ACAD11: variants seen among roughly 807,000 people sequenced by gnomAD.
The protein encoded by ACAD11 is acyl-Coenzyme A dehydrogenase family, member 11.
ACAD11 carries 83 observed loss-of-function variants against 102.2 expected under a neutral mutation model. The observed-to-expected ratio is 0.81, with a 90% CI of 0.68 to 0.97. ACAD11 has a LOEUF of 0.97. Among genes scored for constraint, ACAD11 ranks in the 50% least tolerant of loss-of-function variants. ACAD11 has a pLI of 0.00. For synonymous variants in ACAD11, 324 were observed against 319.8 expected, an observed-to-expected ratio of 1.01 and a Z score of -0.14; for missense variants, 901 against 951.7, an observed-to-expected ratio of 0.95 and a Z score of 0.70.
intron 19 of ACAD11, 93 bp from the exon 20 acceptor site, chr3:132,559,178 TATTA>T (rs1936973484): frequency 8.1e-6 from 7 of 865,878 alleles, no homozygotes; most frequent in Admixed American, 7.1e-5. Flanking sequence ...ACCAAGACTA[TATTA>T]ATTCTTAAAT....
At chr3:132,566,136 C>A (rs1450249983) in intron 17 of ACAD11, among the ~76,000 whole-genome samples, 3 of 151,462 alleles carry the variant, frequency 2.0e-5, no homozygotes, top group Non-Finnish European at 2.9e-5. Flanking sequence ...TAAAGAAAAA[C>A]CAAATGGGTA....
chr3:132,597,359 A>G lies in ACAD11; in HGVS notation c.1621+5870T>C, dbSNP rs577419842. On this transcript the variant is annotated intron_variant, in intron 13 of 19. Coordinates refer to ENST00000264990, the MANE Select transcript of ACAD11 (RefSeq NM_032169.5). ...TATTTCTTTTCTTATTCTGACTTGAATATTTTTTTAAGCCCAAAGATCTTG... is the reference window on the plus strand; with the variant it reads ...TATTTCTTTTCTTATTCTGACTTGAGTATTTTTTTAAGCCCAAAGATCTTG... 15 of 152,136 alleles carry G rather than the reference A, an allele frequency of 9.9e-5. No homozygotes were observed. The East Asian group carries it at 2.9e-3, about 29-fold the overall frequency. 9.4% of individuals were successfully genotyped at this position (152,136 alleles called of 1,614,324 possible).
chr3:132,572,264 G>T (rs1937401327), intron 17 of ACAD11, among the ~76,000 whole-genome samples: 1 of 151,782 alleles, frequency 6.6e-6, no homozygotes, highest in African/African-American at 2.4e-5. Flanking sequence ...CTCCCCGAGA[G>T]CCAAATCGGG....
intron 3 of ACAD11, 54 bp downstream of exon 3, chr3:132,642,623 T>C: frequency 6.6e-7 from 1 of 1,510,144 alleles, no homozygotes; most frequent in East Asian, 2.3e-5. Context: ...AACATCTTAA[T>C]TAACTTCATA....
chr3:132,652,923 G>C (rs577119673), intron 1 of ACAD11, among the ~76,000 whole-genome samples: 4 of 152,188 alleles, frequency 2.6e-5, no homozygotes, highest in African/African-American at 9.6e-5. Context: ...ATCACTATTG[G>C]TTAAGGTCCA....
At chr3:132,607,654 G>A (rs1027061185) in intron 11 of ACAD11, among the ~76,000 whole-genome samples, 2 of 152,198 alleles carry the variant, frequency 1.3e-5, no homozygotes, top group African/African-American at 2.4e-5. Context: ...TTTGACTGGT[G>A]TACCTGAAAA....
chr3:132,649,491 T>G (rs1427906127), intron 1 of ACAD11, among the ~76,000 whole-genome samples: 1 of 152,234 alleles, frequency 6.6e-6, no homozygotes, highest in African/African-American at 2.4e-5. Flanking sequence ...GCATAGTACC[T>G]TCCCTTGAAC....
In ACAD11 at chr3:132,631,270, T is replaced by C. The variant is rs1390819762; in HGVS notation, c.841+71A>G. On this transcript the variant is annotated intron_variant, in intron 6 of 19. Transcript: ENST00000264990. ...CTATTATCTAAAATTGCAAGATTTA[T>C]ATTTTAATTATGAAAGTAATAAAGA... 3.2e-6 allele frequency: 3 copies of C among 937,390 alleles called. No homozygotes were observed. In the African/African-American group the frequency reaches 5.2e-5, roughly 16 times the overall value. The allele number at this position is 937,390 out of a possible 1,614,324, so 58.1% of individuals were successfully genotyped here.
chr3:132,624,948 G>C (rs1049935293), intron 9 of ACAD11, among the ~76,000 whole-genome samples: 2 of 152,130 alleles, frequency 1.3e-5, no homozygotes. Flanking sequence ...CCCTCCCACA[G>C]TGCCGGGATT....
chr3:132,586,076 G>C (rs1302476542), intron 13 of ACAD11, among the ~76,000 whole-genome samples: 2 of 152,106 alleles, frequency 1.3e-5, no homozygotes, highest in Non-Finnish European at 2.9e-5. Context: ...CAATAGCAAA[G>C]ACTTGGAACC....
intron 13 of ACAD11, among the ~76,000 whole-genome samples, chr3:132,591,832 C>A (rs1260587111): frequency 1.3e-5 from 2 of 152,106 alleles, no homozygotes; most frequent in Admixed American, 6.5e-5. Flanking sequence ...GTCAAGGTTG[C>A]AGTGAGCCGT....
chr3:132,601,062 T>G (rs763334011), intron 13 of ACAD11: 1 of 1,614,018 alleles, frequency 6.2e-7, no homozygotes, highest in Non-Finnish European at 8.5e-7. Context: ...TGCTACTTTA[T>G]CACAGCAAGG....
chr3:132,617,719 C>T (rs1939460758), intron 11 of ACAD11, among the ~76,000 whole-genome samples: 1 of 152,194 alleles, frequency 6.6e-6, no homozygotes, highest in Non-Finnish European at 1.5e-5. Context: ...CCCATTGGCT[C>T]ATCCTTTCAA....
chr3:132,652,791 G>T (rs1940978299), intron 1 of ACAD11, among the ~76,000 whole-genome samples: 2 of 152,174 alleles, frequency 1.3e-5, no homozygotes, highest in African/African-American at 4.8e-5. Context: ...GTCCCTTAGA[G>T]GGTAGCTTCA....
chr3:132,592,383 T>G (rs1204602960), intron 13 of ACAD11, among the ~76,000 whole-genome samples: 1 of 152,186 alleles, frequency 6.6e-6, no homozygotes, highest in Non-Finnish European at 1.5e-5. Flanking sequence ...CAGGCCTTCA[T>G]GAATGAAAAC....
At chr3:132,578,125 G>A (rs1008889355) in intron 15 of ACAD11, among the ~76,000 whole-genome samples, 1 of 152,146 alleles carries the variant, frequency 6.6e-6, no homozygotes, top group Admixed American at 6.6e-5. Context: ...TTGGGAGGCC[G>A]AGGAGGGTGG....
rs150479062 is a variant in ACAD11 at position 132,642,062 on chromosome 3, C to T, written c.447G>A (p.Thr149=). 3.1e-4 allele frequency: 494 copies of T among 1,613,994 alleles called. 4 individuals carry two copies. The African/African-American group carries it at 5.5e-3, about 18-fold the overall frequency. Residue 149 remains threonine, a synonymous_variant, in exon 4 of 20, where the codon ACG becomes ACA. Transcript: ENST00000264990. ...PAERSAIYVA[T]VETLAQLHSL... is the part of the protein sequence containing the mutation. The stretch of plus-strand genomic sequence containing the variant: ...AATGTAACTGAGCCAATGTTTCTAC[C>T]GTGGCCACATATATGGCTGAACGTT...
chr3:132,630,590 T>TTAAAA, intron 6 of ACAD11, 32 bp from the exon 7 acceptor site: 1 of 1,571,224 alleles, frequency 6.4e-7, no homozygotes, highest in Non-Finnish European at 8.6e-7. Context: ...TAAACTTTAA[T>TTAAAA]TAAAATGTCG....
At chr3:132,625,955 A>C (rs555487405) in intron 9 of ACAD11, among the ~76,000 whole-genome samples, 3 of 152,358 alleles carry the variant, frequency 2.0e-5, no homozygotes, top group African/African-American at 7.2e-5. Context: ...TAAAGCCATT[A>C]GCATTTCTAC....
Sources: allele counts gnomAD v4.1 joint callset (sites outside exome capture counted in the v4.1 genomes callset), GRCh38; gene constraint gnomAD v4.1.1; transcripts MANE v1.5; gene names NCBI Gene and HGNC (gene_info 2026-07-23, HGNC 2026-07-21).